RBFOX1: variants seen among roughly 807,000 people sequenced by gnomAD.
RBFOX1 encodes the protein RNA binding protein fox-1 homolog 1.
RBFOX1 carries 8 observed loss-of-function variants against 57.7 expected under a neutral mutation model. The observed-to-expected ratio is 0.14, with a 90% confidence interval of 0.08 to 0.25. The LOEUF (loss-of-function observed/expected upper bound fraction) is 0.25, where lower values mean the gene tolerates loss of function less well. RBFOX1 is among the 10% of genes least tolerant of loss of function. The pLI is 1.00. For synonymous variants in RBFOX1, 326 were observed against 222.4 expected (o/e 1.47, Z -4.15); for missense variants, 611 against 548.5 (o/e 1.11, Z -1.14).
At chr16:6,232,944 G>A (rs376012024) in intron 1 of RBFOX1, among the ~76,000 whole-genome samples, 1 of 152,090 alleles carries the variant, frequency 6.6e-6, no homozygotes, top group African/African-American at 2.4e-5. Flanking sequence ...AGGGAATCAG[G>A]GTTTGAGAAC....
intron 13 of RBFOX1, chr16:7,671,405 C>T: frequency 1.5e-6 from 1 of 645,262 alleles, no homozygotes; most frequent in Non-Finnish European, 2.7e-6. Context: ...GCCCAGTGCC[C>T]CTTTCAGCTT....
chr16:6,793,454 T>G (rs2083351903), intron 3 of RBFOX1, among the ~76,000 whole-genome samples: 1 of 152,200 alleles, frequency 6.6e-6, no homozygotes. Flanking sequence ...AAATATCCCT[T>G]CATCTCAGTG....
chr16:6,108,963 G>T (rs78185209), intron 1 of RBFOX1, among the ~76,000 whole-genome samples: 5,563 of 152,170 alleles, frequency 0.037, 179 homozygotes, highest in African/African-American at 0.081. Context: ...CATCTACAAA[G>T]ACCCTTTTCT....
At chr16:6,108,411 A>T (rs899143060) in intron 1 of RBFOX1, among the ~76,000 whole-genome samples, 4 of 152,164 alleles carry the variant, frequency 2.6e-5, no homozygotes, top group African/African-American at 9.7e-5. Flanking sequence ...GGGTGAAAGA[A>T]TGCAACATAG....
At chr16:5,956,667 TA>T (rs2059646734) in intron 4 of RBFOX1, among the ~76,000 whole-genome samples, 1 of 57,054 alleles carries the variant, frequency 1.8e-5, no homozygotes, top group Non-Finnish European at 3.2e-5. Flanking sequence ...TTTATATATA[TA>T]TATATATATA....
chr16:6,920,777 T>C (rs1439745162), intron 3 of RBFOX1, among the ~76,000 whole-genome samples: 1 of 152,224 alleles, frequency 6.6e-6, no homozygotes, highest in Non-Finnish European at 1.5e-5. Flanking sequence ...TGTGTGTGTC[T>C]TCTCCTCCTC....
intron 3 of RBFOX1, among the ~76,000 whole-genome samples, chr16:7,012,821 C>A (rs1317502416): frequency 2.6e-5 from 4 of 152,106 alleles, no homozygotes; most frequent in Admixed American, 6.5e-5. Flanking sequence ...GTTCAGGCTG[C>A]CATAACAAAA....
intron 3 of RBFOX1, among the ~76,000 whole-genome samples, chr16:6,718,113 T>C (rs1437853391): frequency 6.6e-6 from 1 of 152,204 alleles, no homozygotes; most frequent in Non-Finnish European, 1.5e-5. Flanking sequence ...CTGGTGGGTA[T>C]TTTTTACAGA....
At chr16:7,050,661 C>T (rs1028763158) in intron 3 of RBFOX1, among the ~76,000 whole-genome samples, 5 of 152,138 alleles carry the variant, frequency 3.3e-5, no homozygotes, top group Admixed American at 3.3e-4. Flanking sequence ...TTCTTAACAA[C>T]TAAATGGTGT....
intron 4 of RBFOX1, among the ~76,000 whole-genome samples, chr16:7,149,275 T>A (rs1309431895): frequency 6.6e-6 from 1 of 152,024 alleles, no homozygotes; most frequent in Non-Finnish European, 1.5e-5. Context: ...TATGACTGTT[T>A]GCTTGTTAAG....
At chr16:5,456,386 G>T (rs890790944) in intron 1 of RBFOX1, among the ~76,000 whole-genome samples, 1 of 152,134 alleles carries the variant, frequency 6.6e-6, no homozygotes, top group Non-Finnish European at 1.5e-5. Context: ...ACCTCCCATG[G>T]GTTACCTTCT....
At chr16:7,706,931 C>G (rs1181640710) in intron 14 of RBFOX1, among the ~76,000 whole-genome samples, 1 of 152,172 alleles carries the variant, frequency 6.6e-6, no homozygotes, top group African/African-American at 2.4e-5. Flanking sequence ...TTTAACACAT[C>G]TGCCCTTGGA....
At chr16:5,968,163 C>G (rs1433303591) in intron 4 of RBFOX1, among the ~76,000 whole-genome samples, 2 of 152,170 alleles carry the variant, frequency 1.3e-5, no homozygotes, top group Non-Finnish European at 2.9e-5. Flanking sequence ...CAACCTCCAC[C>G]TCCTGGGTTT....
chr16:6,452,798 CTG>C (rs1292735927), intron 2 of RBFOX1, among the ~76,000 whole-genome samples: 1 of 152,182 alleles, frequency 6.6e-6, no homozygotes, highest in East Asian at 1.9e-4. Context: ...ATGAGTCTCT[CTG>C]TGTCTCAGTT....
chr16:6,526,343 C>T (rs886480444), intron 2 of RBFOX1, among the ~76,000 whole-genome samples: 5 of 152,106 alleles, frequency 3.3e-5, no homozygotes, highest in Admixed American at 6.5e-5. Context: ...TAATACCAAG[C>T]ACATCCAGTT....
intron 2 of RBFOX1, among the ~76,000 whole-genome samples, chr16:6,504,502 C>A (rs2096034978): frequency 1.3e-5 from 2 of 152,092 alleles, no homozygotes; most frequent in African/African-American, 4.8e-5. Flanking sequence ...TAATGTGAAA[C>A]TTAATTAAAA....
intron 3 of RBFOX1, among the ~76,000 whole-genome samples, chr16:6,810,761 C>T (rs1427325187): frequency 6.6e-6 from 1 of 152,052 alleles, no homozygotes; most frequent in Non-Finnish European, 1.5e-5. Context: ...GGAGCAAGAG[C>T]AGAGAGAACT....
chr16:6,092,055 C>T (rs187599420), intron 1 of RBFOX1, among the ~76,000 whole-genome samples: 8 of 152,302 alleles, frequency 5.3e-5, no homozygotes, highest in African/African-American at 1.9e-4. Context: ...TCCTTGAAGA[C>T]ATACTTAAGA....
At chr16:5,343,142 C>G (rs1262669740) in intron 1 of RBFOX1, among the ~76,000 whole-genome samples, 1 of 152,096 alleles carries the variant, frequency 6.6e-6, no homozygotes, top group Non-Finnish European at 1.5e-5. Context: ...AGCATGTGAC[C>G]ATTGTTGCTT....
Sources: gnomAD v4.1 joint callset for allele counts (sites outside exome capture counted in the v4.1 genomes callset) on GRCh38, gnomAD v4.1.1 for gene constraint, MANE v1.5 for transcripts, NCBI Gene and HGNC (gene_info 2026-07-23, HGNC 2026-07-21) for gene names.